ADD3: variants seen among roughly 807,000 people sequenced by gnomAD.
ADD3 encodes the protein gamma-adducin.
In ADD3, 25 loss-of-function variants were observed where a neutral mutation model predicts 80.2. That is an observed-to-expected ratio of 0.31 (90% CI 0.23 to 0.44). The LOEUF is 0.44. ADD3 is among the 20% of genes least tolerant of loss of function. The pLI, the probability that ADD3 is intolerant of heterozygous loss-of-function variation, is 1.00. For synonymous variants in ADD3, 284 were observed against 289.6 expected, an observed-to-expected ratio of 0.98 and a Z score of 0.20; for missense variants, 829 against 847.5, an observed-to-expected ratio of 0.98 and a Z score of 0.27.
chr10:110,107,379 T>G (rs981230778), intron 2 of ADD3, among the ~76,000 whole-genome samples: 1 of 152,062 alleles, frequency 6.6e-6, no homozygotes, highest in African/African-American at 2.4e-5. Context: ...AATACTTCCA[T>G]TGGATGAAGT....
intron 1 of ADD3, among the ~76,000 whole-genome samples, chr10:110,095,892 A>G (rs1330942288): frequency 6.6e-6 from 1 of 152,226 alleles, no homozygotes; most frequent in Non-Finnish European, 1.5e-5. Context: ...TTTGTATAAT[A>G]TTCTTTAAAT....
chr10:110,100,620 T>G lies in ADD3; in HGVS notation c.-29-5T>G, dbSNP rs1200507786. On this transcript the variant is annotated splice_polypyrimidine_tract_variant and splice_region_variant and intron_variant, in intron 1 of 14. Transcript: ENST00000356080. ...GGATGTCCTTCTTTGTGTTTATTAA[T>G]GCAGATAACAAGAGTAATCCACAGA... The G allele has an allele frequency of 2.0e-6, 3 of 1,505,464 alleles. No homozygotes were observed. Among genetic ancestry groups the G allele is most frequent in the Non-Finnish European group, 2.7e-6 (3 of 1,127,302 alleles). The allele number at this position is 1,505,464 out of a possible 1,614,324, so 93.3% of individuals were successfully genotyped here. A position where few individuals can be genotyped will look rare whatever the true frequency, so the allele number is the denominator to read the frequency against.
chr10:110,036,419 G>T (rs1180638438), intron 1 of ADD3, among the ~76,000 whole-genome samples: 1 of 130,736 alleles, frequency 7.6e-6, no homozygotes, highest in African/African-American at 3.0e-5. Flanking sequence ...TTGCTCTGTC[G>T]CCCGGGCTGG....
chr10:110,090,889 C>G (rs1847417245), intron 1 of ADD3, among the ~76,000 whole-genome samples: 1 of 152,092 alleles, frequency 6.6e-6, no homozygotes, highest in South Asian at 2.1e-4. Context: ...AACTAAGGCT[C>G]AGTCCTAACT....
chr10:110,104,304 G>A (rs1262001333), intron 2 of ADD3, among the ~76,000 whole-genome samples: 1 of 152,192 alleles, frequency 6.6e-6, no homozygotes, highest in Non-Finnish European at 1.5e-5. Flanking sequence ...CCTCCCTGGT[G>A]CTTGGCTCTG....
intron 1 of ADD3, among the ~76,000 whole-genome samples, chr10:110,086,822 C>A (rs976977673): frequency 6.6e-6 from 1 of 152,060 alleles, no homozygotes; most frequent in African/African-American, 2.4e-5. Flanking sequence ...GTCAGAACAT[C>A]AGAGTGGGAA....
intron 1 of ADD3, among the ~76,000 whole-genome samples, chr10:110,059,606 C>A (rs896909095): frequency 4.9e-5 from 7 of 141,742 alleles, no homozygotes; most frequent in Non-Finnish European, 7.7e-5. Context: ...CCATCTCTAC[C>A]AAAAATACAA....
intron 1 of ADD3, among the ~76,000 whole-genome samples, chr10:110,087,000 C>T (rs2133827852): frequency 6.6e-6 from 1 of 152,122 alleles, no homozygotes; most frequent in East Asian, 1.9e-4. Context: ...TGGCAAGAAA[C>T]CCACTCGCTT....
At chr10:110,060,628 T>C (rs1858766227) in intron 1 of ADD3, among the ~76,000 whole-genome samples, 1 of 152,220 alleles carries the variant, frequency 6.6e-6, no homozygotes, top group Non-Finnish European at 1.5e-5. Context: ...CTAAAAATCT[T>C]TGCCACTGGA....
intron 1 of ADD3, among the ~76,000 whole-genome samples, chr10:110,090,083 C>T (rs530177975): frequency 1.8e-3 from 280 of 152,130 alleles, no homozygotes; most frequent in Non-Finnish European, 3.0e-3. Context: ...TAACAGGTAA[C>T]GTAGATCAAT....
At chr10:110,030,455 A>G (rs1854875578) in intron 1 of ADD3, among the ~76,000 whole-genome samples, 1 of 151,556 alleles carries the variant, frequency 6.6e-6, no homozygotes, top group Non-Finnish European at 1.5e-5. Flanking sequence ...TGAGCTTTTA[A>G]TATACAGGTG....
At chr10:110,027,614 A>C (rs1305129375) in intron 1 of ADD3, among the ~76,000 whole-genome samples, 3 of 152,190 alleles carry the variant, frequency 2.0e-5, no homozygotes, top group Non-Finnish European at 4.4e-5. Flanking sequence ...TTCAGTAGTC[A>C]CATGTGACTA....
chr10:110,014,598 C>T (rs1852711475), intron 1 of ADD3, among the ~76,000 whole-genome samples: 1 of 151,118 alleles, frequency 6.6e-6, no homozygotes, highest in South Asian at 2.1e-4. Flanking sequence ...CAATTCTCAG[C>T]TCACCGCAAC....
chr10:110,047,173 C>T (rs930997665), intron 1 of ADD3, among the ~76,000 whole-genome samples: 1 of 152,136 alleles, frequency 6.6e-6, no homozygotes, highest in Non-Finnish European at 1.5e-5. Context: ...TTCCATTTAC[C>T]TTTAGGGCAG....
upstream of ADD3, chr10:110,005,930 G>A (rs999412007): frequency 1.7e-5 from 3 of 177,654 alleles, no homozygotes; most frequent in South Asian, 2.7e-4. Flanking sequence ...AATGGTAATT[G>A]TAGAGTTTAC....
chr10:110,010,242 G>T (rs1298438702), intron 1 of ADD3, among the ~76,000 whole-genome samples: 1 of 152,204 alleles, frequency 6.6e-6, no homozygotes, highest in African/African-American at 2.4e-5. Context: ...GCTTCCTGAA[G>T]TAGGCCTATC....
chr10:110,062,448 G>A (rs533245190), intron 1 of ADD3, among the ~76,000 whole-genome samples: 48 of 151,764 alleles, frequency 3.2e-4, no homozygotes, highest in Non-Finnish European at 2.4e-4. Flanking sequence ...GGCTCGTGAG[G>A]GTGTGTACCT....
At chr10:110,109,542 A>G (rs988315528) in intron 2 of ADD3, among the ~76,000 whole-genome samples, 2 of 152,200 alleles carry the variant, frequency 1.3e-5, no homozygotes, top group African/African-American at 4.8e-5. Flanking sequence ...TCTCCAAGTT[A>G]TTGTAATATA....
chr10:110,113,905 C>T (rs1850360179), intron 3 of ADD3, among the ~76,000 whole-genome samples: 1 of 152,098 alleles, frequency 6.6e-6, no homozygotes, highest in South Asian at 2.1e-4. Context: ...GGCAGATGGA[C>T]ATAGAGAAGT....
Sources: gnomAD v4.1 joint callset for allele counts (sites outside exome capture counted in the v4.1 genomes callset) on GRCh38, gnomAD v4.1.1 for gene constraint, MANE v1.5 for transcripts, NCBI Gene and HGNC (gene_info 2026-07-23, HGNC 2026-07-21) for gene names.